Variants in COX15 observed in about 807,000 individuals in gnomAD.
The protein encoded by COX15 is heme A synthase COX15.
Under a neutral mutation model 51.9 loss-of-function variants are expected in COX15, and 51 were observed. That is an observed-to-expected ratio of 0.98 (90% CI 0.78 to 1.24). The LOEUF (loss-of-function observed/expected upper bound fraction) is 1.24. Ranked by LOEUF, COX15 falls within the 50% of genes most tolerant of loss-of-function variation. COX15 has a pLI of 0.00. For synonymous variants in COX15, 188 were observed against 190.5 expected (o/e 0.99, Z 0.11); for missense variants, 420 against 501.1 (o/e 0.84, Z 1.55).
chr10:99,729,583 G>A lies in COX15; in HGVS notation c.242C>T (p.Ala81Val), dbSNP rs1361337217. 1.2e-6 allele frequency: 2 copies of A among 1,613,710 alleles called. No individual in the cohort carries two copies. Among genetic ancestry groups the A allele is most frequent in the Non-Finnish European group, 8.5e-7 (1 of 1,180,008 alleles). The change falls in exon 2 of 9, where the codon GCT (alanine) becomes GTT (valine). Residue 81 changes from alanine to valine, a missense_variant. By Grantham distance (64) the Ala-to-Val change is moderately conservative. Transcript: ENST00000016171. ...TACTCCACCAAGAATAACTGCTCCAGCCACTGTTCCACTGCAGACCAGGAG... is the reference window on the plus strand; with the variant it reads ...TACTCCACCAAGAATAACTGCTCCAACCACTGTTCCACTGCAGACCAGGAG... The part of the protein sequence containing the change: ...RWLLVCSGTV[A>V]GAVILGGVTR...
chr10:99,709,734 C>T (rs1370263090), downstream of COX15: 32 of 985,258 alleles, frequency 3.2e-5, no homozygotes, highest in Non-Finnish European at 3.7e-5. Context: ...TAAGCCTGCT[C>T]TGTCTACTTA....
In COX15 at chr10:99,712,182, A is replaced by G; in HGVS notation, c.*2405T>C. On this transcript the variant is annotated 3_prime_UTR_variant, in exon 9 of 9. Transcript: ENST00000016171. Reference sequence around the variant, plus strand: ...CACTGAATGTCACACTTTGAACATGAGATTTGGAGGGGACAAAACATCCAA... The same window carrying G: ...CACTGAATGTCACACTTTGAACATGGGATTTGGAGGGGACAAAACATCCAA... 1.0e-6 allele frequency: 1 copy of G among 965,088 alleles called. No individual in the cohort carries two copies. 59.8% of individuals were successfully genotyped at this position (965,088 alleles called of 1,614,324 possible).
chr10:99,714,437 ATC>A lies in COX15; in HGVS notation c.*148_*149del, dbSNP rs2036501434. The A allele has an allele frequency of 6.6e-7, 1 of 1,513,826 alleles. No individual in the cohort carries two copies. Among genetic ancestry groups the A allele is most frequent in the African/African-American group, 1.4e-5 (1 of 72,400 alleles). The allele number at this position is 1,513,826 out of a possible 1,614,324, so 93.8% of individuals were successfully genotyped here. On this transcript the variant is annotated 3_prime_UTR_variant, in exon 9 of 9. Coordinates refer to ENST00000016171, the MANE Select transcript of COX15 (RefSeq NM_078470.6). ...TTAATGCATTCTTGATCCAGTGACT[ATC>A]TCAAAACAGGAAAAGATTTTTAAGT...
At chr10:99,701,462 A>AT in the COX15 span, among the ~76,000 whole-genome samples, 4 of 151,174 alleles carry the variant, frequency 2.6e-5, no homozygotes, top group East Asian at 7.9e-4. Flanking sequence ...CAATTTTTGT[A>AT]TTTTTTTGTA....
At chr10:99,728,065 G>A (rs1410325261) in intron 2 of COX15, among the ~76,000 whole-genome samples, 3 of 152,198 alleles carry the variant, frequency 2.0e-5, no homozygotes, top group African/African-American at 7.2e-5. Flanking sequence ...ATTTGAGGAA[G>A]ACACATTTGA....
intron 3 of COX15, 50 bp downstream of exon 3, chr10:99,727,391 A>C (rs2036994349): frequency 1.2e-6 from 2 of 1,606,288 alleles, no homozygotes; most frequent in Non-Finnish European, 1.7e-6. Context: ...TAAGTCCAAA[A>C]GATCAAATGG....
At chr10:99,708,776 C>A (rs2036301275), downstream of COX15, 1 of 960,882 alleles carries the variant, frequency 1.0e-6, no homozygotes, top group African/African-American at 1.8e-5. Context: ...AAAACTGAGG[C>A]CTAGAGCAGT....
At chr10:99,698,773 G>T in the COX15 span, 1 of 1,614,224 alleles carries the variant, frequency 6.2e-7, no homozygotes, top group South Asian at 1.1e-5. Flanking sequence ...GAGTTCTACG[G>T]CTTCTCTGAG....
chr10:99,708,901 T>G, downstream of COX15: 2 of 985,412 alleles, frequency 2.0e-6, no homozygotes, highest in Non-Finnish European at 2.4e-6. Context: ...CTATTTTTTA[T>G]AAAACAGCTG....
At chr10:99,701,127 A>G in the COX15 span, 2 of 1,278,036 alleles carry the variant, frequency 1.6e-6, no homozygotes, top group Non-Finnish European at 2.3e-6. Context: ...ATGGAGAGTG[A>G]GCAATAATGC....
downstream of COX15, chr10:99,709,342 T>C: frequency 1.0e-6 from 1 of 985,402 alleles, no homozygotes. Flanking sequence ...TAATGTTGAT[T>C]GGGAATAAGA....
intron 5 of COX15, among the ~76,000 whole-genome samples, chr10:99,722,205 GCT>G (rs1386538666): frequency 1.3e-5 from 2 of 152,164 alleles, no homozygotes; most frequent in African/African-American, 4.8e-5. Context: ...GTAGCTAGTA[GCT>G]ACTGTGTTGG....
chr10:99,715,521 GT>G (rs11368136), intron 8 of COX15, among the ~76,000 whole-genome samples: 128,463 of 151,890 alleles, frequency 0.85, 54,502 homozygotes, highest in Middle Eastern at 0.92. Flanking sequence ...AAAGGTCTTT[GT>G]TGCATTGGAC....
Position 99,713,913 on chromosome 10 carries a change from G to C in COX15, c.*674C>G, listed in dbSNP as rs2036481570. Reference sequence around the variant, plus strand: ...GAACCTGGGAAGTGGAGGTTGCAGAGTGAGCTGAGATCACGCCATTGTACT... The same window carrying C: ...GAACCTGGGAAGTGGAGGTTGCAGACTGAGCTGAGATCACGCCATTGTACT... On this transcript the variant is annotated 3_prime_UTR_variant, in exon 9 of 9. Transcript: ENST00000016171. 1.3e-6 allele frequency: 1 copy of C among 778,890 alleles called. No homozygotes were observed. The allele number at this position is 778,890 out of a possible 1,614,324, so 48.2% of individuals were successfully genotyped here. A position where few individuals can be genotyped will look rare whatever the true frequency, so the allele number is the denominator to read the frequency against.
At chr10:99,727,654 T>C (rs531308198) in intron 2 of COX15, 91 bp from the exon 3 acceptor site, 4 of 1,426,770 alleles carry the variant, frequency 2.8e-6, no homozygotes, top group South Asian at 2.3e-5. Context: ...AACTTAACCT[T>C]GTTAAAGGTA....
chr10:99,727,356 A>T, intron 3 of COX15, 85 bp downstream of exon 3: 1 of 1,577,102 alleles, frequency 6.3e-7, no homozygotes, highest in Non-Finnish European at 8.6e-7. Flanking sequence ...AAGTTCATGA[A>T]ATAATCTAAC....
downstream of COX15, chr10:99,709,433 G>A: frequency 1.0e-6 from 1 of 985,274 alleles, no homozygotes. Context: ...CAGCCCCTGG[G>A]GCAATAACTT....
chr10:99,713,104 T>G lies in COX15; in HGVS notation c.*1483A>C, dbSNP rs2036448249. 2 of 1,243,496 alleles carry G rather than the reference T, an allele frequency of 1.6e-6. No individual in the cohort carries two copies. The highest frequency in any genetic ancestry group is 2.0e-6 in the Non-Finnish European group (2 of 982,024). The allele number at this position is 1,243,496 out of a possible 1,614,324, so 77.0% of individuals were successfully genotyped here. A position where few individuals can be genotyped will look rare whatever the true frequency, so the allele number is the denominator to read the frequency against. The stretch of plus-strand genomic sequence containing the variant: ...TGAAATGCAGTATGTTAGGGGTATT[T>G]TGACTATGGCTGTGACACTTCTACT... On this transcript the variant is annotated 3_prime_UTR_variant, in exon 9 of 9. Coordinates refer to ENST00000016171, the MANE Select transcript of COX15 (RefSeq NM_078470.6).
At chr10:99,715,656 G>C (rs2036545724) in intron 8 of COX15, among the ~76,000 whole-genome samples, 1 of 148,106 alleles carries the variant, frequency 6.8e-6, no homozygotes, top group Non-Finnish European at 1.5e-5. Context: ...AAAAAAAAAA[G>C]ATATTGCCAA....
Sources: allele counts gnomAD v4.1 joint callset (sites outside exome capture counted in the v4.1 genomes callset), GRCh38; gene constraint gnomAD v4.1.1; transcripts MANE v1.5; gene names NCBI Gene and HGNC (gene_info 2026-07-23, HGNC 2026-07-21).